RNGTT: variants seen among roughly 807,000 people sequenced by gnomAD.
RNGTT encodes RNA guanylyltransferase and 5'-phosphatase.
Under a neutral mutation model 79.3 loss-of-function variants are expected in RNGTT, and 33 were observed. The ratio of observed to expected loss-of-function variants is 0.42; its 90% CI spans 0.32 to 0.56. RNGTT has a LOEUF of 0.56. Among genes scored for constraint, RNGTT ranks in the 20% least tolerant of loss-of-function variants. RNGTT has a pLI of 0.17. For missense variants in RNGTT, 497 were observed against 739.1 expected (o/e 0.67, Z 3.80); for synonymous variants, 222 against 235.9 (o/e 0.94, Z 0.54).
chr6:88,662,699 G>A (rs1372999995), intron 14 of RNGTT, among the ~76,000 whole-genome samples: 1 of 152,214 alleles, frequency 6.6e-6, no homozygotes, highest in Non-Finnish European at 1.5e-5. Flanking sequence ...GGACTCCGGC[G>A]AGCTTAAGCA....
chr6:88,626,628 G>A (rs757010483), intron 14 of RNGTT, among the ~76,000 whole-genome samples: 12 of 151,966 alleles, frequency 7.9e-5, no homozygotes, highest in African/African-American at 1.2e-4. Context: ...CATCTCTGCT[G>A]TTTGCTATTC....
At chr6:88,777,411 C>A (rs1248076603) in intron 12 of RNGTT, among the ~76,000 whole-genome samples, 1 of 152,118 alleles carries the variant, frequency 6.6e-6, no homozygotes, top group Non-Finnish European at 1.5e-5. Context: ...AGGGATTGCA[C>A]CAAATCTGTG....
At chr6:88,683,203 G>T (rs372262992) in intron 13 of RNGTT, among the ~76,000 whole-genome samples, 1 of 151,944 alleles carries the variant, frequency 6.6e-6, no homozygotes, top group East Asian at 1.9e-4. Flanking sequence ...TTCCTTCTAA[G>T]ACAATAATTG....
intron 4 of RNGTT, among the ~76,000 whole-genome samples, chr6:88,907,001 T>C (rs1260019470): frequency 6.6e-6 from 1 of 152,076 alleles, no homozygotes; most frequent in East Asian, 1.9e-4. Flanking sequence ...CTACAGAAAA[T>C]AATTAACTGA....
intron 2 of RNGTT, among the ~76,000 whole-genome samples, chr6:88,931,573 GA>G (rs1784515254): frequency 6.6e-6 from 1 of 152,114 alleles, no homozygotes; most frequent in Non-Finnish European, 1.5e-5. Context: ...TGATGCCTAA[GA>G]ATCACACCTT....
At chr6:88,801,822 GACACACACACACACACACACACAC>G (rs56124919) in intron 11 of RNGTT, among the ~76,000 whole-genome samples, 190 bp from the exon 12 acceptor site, 1 of 123,174 alleles carries the variant, frequency 8.1e-6, no homozygotes, top group African/African-American at 2.8e-5. Context: ...CACACACACA[GACACACACACACACACACACACAC>G]ACACACACAC....
chr6:88,849,720 T>C (rs1214331580), intron 10 of RNGTT, 35 bp downstream of exon 10: 1 of 1,476,866 alleles, frequency 6.8e-7, no homozygotes, highest in Non-Finnish European at 9.0e-7. Flanking sequence ...ATTATTTCAG[T>C]AATAACTTGT....
At chr6:88,615,251 C>A (rs988576774) in intron 14 of RNGTT, among the ~76,000 whole-genome samples, 16 of 152,188 alleles carry the variant, frequency 1.1e-4, no homozygotes, top group African/African-American at 3.9e-4. Context: ...TGGTAGACTG[C>A]AATCATTTAA....
intron 6 of RNGTT, 37 bp downstream of exon 6, chr6:88,904,678 G>GAA: frequency 5.6e-6 from 8 of 1,421,926 alleles, no homozygotes; most frequent in Admixed American, 2.3e-5. Context: ...GCAGAAAAAG[G>GAA]AAAAAAAAAA....
chr6:88,798,337 C>T (rs577512478), intron 12 of RNGTT, among the ~76,000 whole-genome samples: 6 of 151,926 alleles, frequency 3.9e-5, no homozygotes, highest in African/African-American at 1.2e-4. Flanking sequence ...TGGTGGTGCG[C>T]GCCTATAGTC....
intron 1 of RNGTT, among the ~76,000 whole-genome samples, chr6:88,962,532 GGAGGCCGAGGCGGGCGGATCACTT>G (rs1483923751): frequency 2.6e-5 from 4 of 152,042 alleles, no homozygotes; most frequent in African/African-American, 9.7e-5. Context: ...CAGCACTTTG[GGAGGCCGAGGCGGGCGGATCACTT>G]GAGGCCAGGC....
intron 11 of RNGTT, among the ~76,000 whole-genome samples, chr6:88,833,625 T>C (rs942644578): frequency 6.6e-6 from 1 of 151,792 alleles, no homozygotes; most frequent in Non-Finnish European, 1.5e-5. Flanking sequence ...ATGTGATCTA[T>C]GTCAATCCTA....
At chr6:88,627,657 G>A (rs1159593787) in intron 14 of RNGTT, among the ~76,000 whole-genome samples, 1 of 152,044 alleles carries the variant, frequency 6.6e-6, no homozygotes, top group Non-Finnish European at 1.5e-5. Context: ...ATAATGTTGA[G>A]GTTTTCTCCT....
chr6:88,769,098 A>C (rs1169525917), intron 13 of RNGTT, among the ~76,000 whole-genome samples: 1 of 152,208 alleles, frequency 6.6e-6, no homozygotes, highest in African/African-American at 2.4e-5. Flanking sequence ...ATTATTTTTC[A>C]GTAAAATCTC....
chr6:88,815,264 G>C (rs944790701), intron 11 of RNGTT, among the ~76,000 whole-genome samples: 1 of 152,218 alleles, frequency 6.6e-6, no homozygotes, highest in Non-Finnish European at 1.5e-5. Flanking sequence ...GCCAGGAAGA[G>C]GTAACAGCAT....
intron 14 of RNGTT, among the ~76,000 whole-genome samples, chr6:88,650,936 T>C (rs1178634275): frequency 6.6e-6 from 1 of 152,124 alleles, no homozygotes; most frequent in Non-Finnish European, 1.5e-5. Flanking sequence ...TATCAGATAA[T>C]ATTATAATAA....
intron 13 of RNGTT, among the ~76,000 whole-genome samples, chr6:88,755,497 G>A (rs1415225321): frequency 1.3e-5 from 2 of 152,048 alleles, no homozygotes; most frequent in Non-Finnish European, 2.9e-5. Context: ...AGTTTTTTCA[G>A]TAATACCTGT....
At chr6:88,665,529 C>T (rs1045513570) in intron 14 of RNGTT, among the ~76,000 whole-genome samples, 1 of 152,176 alleles carries the variant, frequency 6.6e-6, no homozygotes, top group Non-Finnish European at 1.5e-5. Flanking sequence ...AGTACCTAAC[C>T]CGTACACATT....
At chr6:88,840,426 C>T (rs1289814613) in intron 11 of RNGTT, among the ~76,000 whole-genome samples, 2 of 152,054 alleles carry the variant, frequency 1.3e-5, no homozygotes, top group East Asian at 3.9e-4. Context: ...AGACAGTGTC[C>T]CACTCCGCCA....
Sources: allele counts gnomAD v4.1 joint callset (sites outside exome capture counted in the v4.1 genomes callset), GRCh38; gene constraint gnomAD v4.1.1; transcripts MANE v1.5; gene names NCBI Gene and HGNC (gene_info 2026-07-23, HGNC 2026-07-21).